FBXL18: variants seen among roughly 807,000 people sequenced by gnomAD.
FBXL18 encodes the protein F-box/LRR-repeat protein 18.
FBXL18 carries 36 observed loss-of-function variants against 46.0 expected under a neutral mutation model. The ratio of observed to expected loss-of-function variants is 0.78; its 90% CI spans 0.60 to 1.03. The LOEUF (loss-of-function observed/expected upper bound fraction) is 1.03, where lower values mean the gene tolerates loss of function less well. Among genes scored for constraint, FBXL18 ranks in the 50% least tolerant of loss-of-function variants. FBXL18 has a pLI of 0.00. For missense variants in FBXL18, 977 were observed against 1,004.1 expected (o/e 0.97, Z 0.36); for synonymous variants, 557 against 465.3 (o/e 1.20, Z -2.54).
In FBXL18 at chr7:5,501,005, C is replaced by A; in HGVS notation, c.1264G>T (p.Val422Phe). Reference protein sequence around the residue: ...LRHLRSLSLPVCSVADSAPRA... With the variant: ...LRHLRSLSLPFCSVADSAPRA... ...GGCGCGGAGTCAGCGACAGAGCAGA[C>A]AGGCAGGGAGAGGGAGCGCAGGTGA... The change falls in exon 3 of 5, where the codon GTC becomes TTC. Residue 422 changes from valine (V) to phenylalanine (F), a missense_variant. Physicochemically the swap from Val to Phe is conservative, Grantham distance 50 (BLOSUM62 -1). Coordinates refer to ENST00000382368, the MANE Select transcript of FBXL18 (RefSeq NM_024963.6). The A allele has an allele frequency of 6.3e-7, 1 of 1,589,844 alleles. No individual in the cohort carries two copies. Among genetic ancestry groups the A allele is most frequent in the Non-Finnish European group, 8.5e-7 (1 of 1,170,872 alleles).
At chr7:5,468,031 G>A (rs143805154) in intron 4 of FBXL18, among the ~76,000 whole-genome samples, 137 of 150,466 alleles carry the variant, frequency 9.1e-4, no homozygotes, top group Middle Eastern at 3.4e-3. Flanking sequence ...CGCCCAGGCT[G>A]GAGTGCAGTG....
At chr7:5,513,555 C>T in intron 1 of FBXL18, 102 bp downstream of exon 1, 1 of 1,336,734 alleles carries the variant, frequency 7.5e-7, no homozygotes, top group Admixed American at 1.9e-5. Flanking sequence ...GGGTAGGGGT[C>T]GGGATAGAAA....
chr7:5,469,728 G>C (rs1217286721), intron 4 of FBXL18, among the ~76,000 whole-genome samples: 1 of 152,062 alleles, frequency 6.6e-6, no homozygotes, highest in Non-Finnish European at 1.5e-5. Flanking sequence ...AGTGCGTGTG[G>C]GGTGAGCAGA....
At position 5,479,593 on chromosome 7, in the gene FBXL18, C is replaced by G. The variant is rs1342764271; in HGVS notation, c.*2182G>C. 6.6e-6 allele frequency: 1 copy of G among 152,288 alleles called. No individual in the cohort carries two copies. Among genetic ancestry groups the G allele is most frequent in the Admixed American group, 6.5e-5 (1 of 15,276 alleles). The allele number at this position is 152,288 out of a possible 1,614,324, so 9.4% of individuals were successfully genotyped here. A position where few individuals can be genotyped will look rare whatever the true frequency, so the allele number is the denominator to read the frequency against. Reference sequence around the variant, plus strand: ...GGGTGCTCCCACCACCTCTGAGACCCTCATCTACAGCCCCTGCCCCCTGGG... The same window carrying G: ...GGGTGCTCCCACCACCTCTGAGACCGTCATCTACAGCCCCTGCCCCCTGGG... On this transcript the variant is annotated 3_prime_UTR_variant, in exon 5 of 5. Coordinates refer to ENST00000382368, the MANE Select transcript of FBXL18 (RefSeq NM_024963.6).
Position 5,500,868 on chromosome 7 carries a change from C to T in FBXL18, c.1401G>A (p.Ala467=). The T allele has an allele frequency of 1.2e-6, 2 of 1,600,556 alleles. No individual in the cohort carries two copies. Among genetic ancestry groups the T allele is most frequent in the African/African-American group, 1.3e-5 (1 of 74,816 alleles). The part of the protein sequence containing the change: ...QSCPSPFSGQ[A]CPQPSSVFWS... Reference sequence around the variant, plus strand: ...AGAACACGGAGGAGGGCTGGGGGCACGCCTGGCCCGAGAAGGGGCTGGGAC... The same window carrying T: ...AGAACACGGAGGAGGGCTGGGGGCATGCCTGGCCCGAGAAGGGGCTGGGAC... The change falls in exon 3 of 5, where the codon GCG becomes GCA. Residue 467 remains alanine, a synonymous_variant. Transcript: ENST00000382368.
rs146710469 is a variant in FBXL18 at position 5,477,256 on chromosome 7, C to A, written c.*4519G>T. Among the ~76,000 whole-genome samples, 1 of 152,122 alleles carries A rather than the reference C, an allele frequency of 6.6e-6. No homozygotes were observed. The highest frequency in any genetic ancestry group is 1.9e-4 in the East Asian group (1 of 5,196). On this transcript the variant is annotated 3_prime_UTR_variant, in exon 5 of 5. Transcript: ENST00000382368. The surrounding 1 kb of genome is among the most constrained non-coding windows in gnomAD (Gnocchi z 4.4). ...ATGAGACCCATGACCATCACAAAGA[C>A]CCCCCAGCGTCGTGGTCAAGGCTAC...
At position 5,477,590 on chromosome 7, in the gene FBXL18, T is replaced by C. The variant is rs572945446; in HGVS notation, c.*4185A>G. 4.1e-4 allele frequency among the ~76,000 whole-genome samples: 62 copies of C among 152,010 alleles called. No individual in the cohort carries two copies. The highest frequency in any genetic ancestry group is 1.5e-3 in the African/African-American group (61 of 41,462). On this transcript the variant is annotated 3_prime_UTR_variant, in exon 5 of 5. Coordinates refer to ENST00000382368, the MANE Select transcript of FBXL18 (RefSeq NM_024963.6). The surrounding 1 kb of genome is among the most constrained non-coding windows in gnomAD (Gnocchi z 4.4). ...GATGGCAGGTGCCTGTAATCCCAGC[T>C]ACTCAGGAGGCTGATGTGGGAGAAT...
intron 4 of FBXL18, among the ~76,000 whole-genome samples, chr7:5,485,214 T>C (rs1273599607): frequency 6.6e-6 from 1 of 152,102 alleles, no homozygotes; most frequent in Non-Finnish European, 1.5e-5. Flanking sequence ...CCCTGGGTGA[T>C]GTGAGAAGGT....
chr7:5,493,481 G>A (rs1163797467), intron 3 of FBXL18, among the ~76,000 whole-genome samples: 4 of 151,976 alleles, frequency 2.6e-5, no homozygotes. Flanking sequence ...ATTTTTAGTA[G>A]AGATGGGGTT....
At chr7:5,502,072 T>C in intron 2 of FBXL18, 41 bp from the exon 3 acceptor site, 2 of 1,438,446 alleles carry the variant, frequency 1.4e-6, no homozygotes, top group Non-Finnish European at 1.9e-6. Flanking sequence ...AGGAAAGGGC[T>C]GAAGGCACCT....
chr7:5,488,995 G>A (rs1012329113), intron 4 of FBXL18, among the ~76,000 whole-genome samples: 5 of 152,206 alleles, frequency 3.3e-5, no homozygotes, highest in African/African-American at 4.8e-5. Flanking sequence ...GCTAAGATGT[G>A]GGGAAGCAGA....
At chr7:5,463,741 T>TTATTA (rs1562672349) in intron 4 of FBXL18, among the ~76,000 whole-genome samples, 1 of 46,204 alleles carries the variant, frequency 2.2e-5, no homozygotes, top group Non-Finnish European at 5.1e-5. Flanking sequence ...TTTTTTTTTT[T>TTATTA]TTTTTTTTTT....
chr7:5,493,313 T>G (rs933813302), intron 3 of FBXL18, among the ~76,000 whole-genome samples: 1 of 152,168 alleles, frequency 6.6e-6, no homozygotes, highest in Non-Finnish European at 1.5e-5. Flanking sequence ...CCAAGCTGGA[T>G]GACAGAGCAA....
At chr7:5,513,006 T>C (rs1204612863) in intron 1 of FBXL18, among the ~76,000 whole-genome samples, 1 of 152,032 alleles carries the variant, frequency 6.6e-6, no homozygotes, top group East Asian at 1.9e-4. Context: ...CCCATACAGA[T>C]AGGCAGGAAG....
At position 5,501,722 on chromosome 7, in the gene FBXL18, G is replaced by T. The variant is rs894164344; in HGVS notation, c.547C>A (p.Pro183Thr). The change falls in exon 3 of 5, where the codon CCC becomes ACC. Residue 183 changes from proline (P) to threonine (T), a missense_variant. By Grantham distance (38) the Pro-to-Thr change is conservative (BLOSUM62 -1). Coordinates refer to ENST00000382368, the MANE Select transcript of FBXL18 (RefSeq NM_024963.6). The stretch of plus-strand genomic sequence containing the variant: ...CAGCAGGGCACCACGCCGTAGGAGG[G>T]AGTGAACAGCGTCTGCTTGAGCTCC... ...VRELKQTLFTPSYGVVPCCTS... is the reference protein window; with the variant it reads ...VRELKQTLFTTSYGVVPCCTS... The T allele has an allele frequency of 6.3e-7, 1 of 1,581,082 alleles. No individual in the cohort carries two copies. The highest frequency in any genetic ancestry group is 8.6e-7 in the Non-Finnish European group (1 of 1,163,160).
In FBXL18 at chr7:5,500,189, A is replaced by C. The variant is rs573383566; in HGVS notation, c.1781+299T>G. On this transcript the variant is annotated intron_variant, in intron 3 of 4. Transcript: ENST00000382368. Reference sequence around the variant, plus strand: ...CCTACTGGCTCTGCTGAGTGGCAACAATGATGCACCTGGCAGGGTCCTGAG... The same window carrying C: ...CCTACTGGCTCTGCTGAGTGGCAACCATGATGCACCTGGCAGGGTCCTGAG... Among the ~76,000 whole-genome samples, 575 of 152,048 alleles carry C rather than the reference A, an allele frequency of 3.8e-3. 4 individuals carry two copies. The highest frequency in any genetic ancestry group is 0.013 in the African/African-American group (554 of 41,462).
chr7:5,460,401 T>C (rs574085474), intron 4 of FBXL18, among the ~76,000 whole-genome samples: 1 of 152,190 alleles, frequency 6.6e-6, no homozygotes, highest in Non-Finnish European at 1.5e-5. Context: ...CATGAGTCTG[T>C]CATTACCACG....
At chr7:5,487,173 G>A (rs1175103185) in intron 4 of FBXL18, among the ~76,000 whole-genome samples, 1 of 152,244 alleles carries the variant, frequency 6.6e-6, no homozygotes, top group East Asian at 1.9e-4. Context: ...AGGCCGGTCA[G>A]ACCCTGTCTG....
Position 5,500,695 on chromosome 7 carries a change from G to A in FBXL18, c.1574C>T (p.Ala525Val), listed in dbSNP as rs1489529624. Reference protein sequence around the residue: ...RAQSVGDSEVAAIGQLAFLRH... With the variant: ...RAQSVGDSEVVAIGQLAFLRH... The stretch of plus-strand genomic sequence containing the variant: ...CAGGAAGGCCAGCTGGCCGATGGCG[G>A]CCACCTCCGAGTCCCCGACACTCTG... Residue 525 changes from alanine (A) to valine (V), a missense_variant, in exon 3 of 5, where the codon GCC (alanine) becomes GTC (valine). Physicochemically the swap from Ala to Val is moderately conservative, Grantham distance 64 (BLOSUM62 0). Coordinates refer to ENST00000382368, the MANE Select transcript of FBXL18 (RefSeq NM_024963.6). 1 of 1,610,554 alleles carries A rather than the reference G, an allele frequency of 6.2e-7. No homozygotes were observed. Among genetic ancestry groups the A allele is most frequent in the Admixed American group, 1.7e-5 (1 of 59,672 alleles).
Sources: gnomAD v4.1 joint callset for allele counts (sites outside exome capture counted in the v4.1 genomes callset) on GRCh38, gnomAD v4.1.1 for gene constraint, Gnocchi (gnomAD v3.1) non-coding constraint, MANE v1.5 for transcripts, NCBI Gene and HGNC (gene_info 2026-07-23, HGNC 2026-07-21) for gene names.